The following FARS2 variants were observed in gnomAD, a reference collection of about 807,000 sequenced individuals.
The protein encoded by FARS2 is phenylalanine--tRNA ligase, mitochondrial.
In FARS2, 40 loss-of-function variants were observed where a neutral mutation model predicts 46.4. The ratio of observed to expected loss-of-function variants is 0.86; its 90% CI spans 0.67 to 1.12. The LOEUF (loss-of-function observed/expected upper bound fraction) is 1.12, where lower values mean the gene tolerates loss of function less well. FARS2 is among the 50% of genes most tolerant of loss of function. The pLI, the probability that FARS2 is intolerant of heterozygous loss-of-function variation, is 0.00. For missense variants in FARS2, 513 were observed against 567.9 expected (o/e 0.90, Z 0.98); for synonymous variants, 234 against 214.9 (o/e 1.09, Z -0.78).
chr6:5,326,511 G>C (rs937790444), intron 1 of FARS2, among the ~76,000 whole-genome samples: 2 of 152,196 alleles, frequency 1.3e-5, no homozygotes, highest in Non-Finnish European at 2.9e-5. Context: ...TCCACCTACA[G>C]GTATTTAGCC....
intron 6 of FARS2, among the ~76,000 whole-genome samples, chr6:5,623,360 C>T (rs1475343097): frequency 6.6e-6 from 1 of 152,150 alleles, no homozygotes; most frequent in Admixed American, 6.5e-5. Flanking sequence ...TTGTATAAAA[C>T]TGTCATTTGG....
At chr6:5,539,384 G>GTGTGTATATATATA in intron 4 of FARS2, among the ~76,000 whole-genome samples, 7 of 79,570 alleles carry the variant, frequency 8.8e-5, no homozygotes, top group East Asian at 3.0e-4. Context: ...TTTTTTTTGT[G>GTGTGTATATATATA]TATATATATA....
chr6:5,746,720 C>T (rs1313310350), intron 6 of FARS2, among the ~76,000 whole-genome samples: 1 of 152,084 alleles, frequency 6.6e-6, no homozygotes, highest in African/African-American at 2.4e-5. Flanking sequence ...TTTGTCGCCC[C>T]AGTCAGTGCA....
chr6:5,714,340 G>A (rs1308947448), intron 6 of FARS2, among the ~76,000 whole-genome samples: 3 of 152,150 alleles, frequency 2.0e-5, no homozygotes, highest in Non-Finnish European at 2.9e-5. Context: ...TCTTCTAATG[G>A]CATCGCCAAT....
chr6:5,689,444 A>G lies in FARS2; in HGVS notation c.1217+76124A>G, dbSNP rs1757516775. On this transcript the variant is annotated intron_variant, in intron 6 of 6. Coordinates refer to ENST00000274680, the MANE Select transcript of FARS2 (RefSeq NM_006567.5). ...AAAGAACATCTTTATTTCTGCCTTC[A>G]TTTCGTTATGTCCCCAGTAGTCATT... 3.9e-5 allele frequency among the ~76,000 whole-genome samples: 6 copies of G among 151,916 alleles called. No homozygotes were observed. In the South Asian group the frequency reaches 1.0e-3, roughly 26 times the overall value.
rs115496442 is a variant in FARS2, at chr6:5,453,919, G to T, written c.904+22747G>T. ...TGCTGTGCACCTGCTTAGACATCAG[G>T]TGGGGTCTGTGAATTCAAAAGATGA... On this transcript the variant is annotated intron_variant, in intron 4 of 6. Coordinates refer to ENST00000274680, the MANE Select transcript of FARS2 (RefSeq NM_006567.5). Among the ~76,000 whole-genome samples, 1,308 of 152,322 alleles carry T rather than the reference G, an allele frequency of 8.6e-3. 7 individuals carry two copies. Among genetic ancestry groups the T allele is most frequent in the Non-Finnish European group, 0.013 (914 of 68,020 alleles).
chr6:5,590,504 A>G (rs1773856054), intron 5 of FARS2, among the ~76,000 whole-genome samples: 1 of 152,228 alleles, frequency 6.6e-6, no homozygotes, highest in South Asian at 2.1e-4. Context: ...GATGAGGGAC[A>G]GGCTGGGAAT....
At chr6:5,749,413 C>G (rs1761822027) in intron 6 of FARS2, among the ~76,000 whole-genome samples, 1 of 152,222 alleles carries the variant, frequency 6.6e-6, no homozygotes, top group Non-Finnish European at 1.5e-5. Context: ...GGACCAGAAA[C>G]AGAGACCCTG....
chr6:5,288,553 G>A (rs1767285692), intron 1 of FARS2, among the ~76,000 whole-genome samples: 1 of 152,156 alleles, frequency 6.6e-6, no homozygotes, highest in Non-Finnish European at 1.5e-5. Flanking sequence ...GATGAGAACT[G>A]TTCTAGAACA....
At chr6:5,283,768 G>A (rs1364250746) in intron 1 of FARS2, among the ~76,000 whole-genome samples, 3 of 141,992 alleles carry the variant, frequency 2.1e-5, no homozygotes, top group Non-Finnish European at 4.4e-5. Context: ...CAGATACCCT[G>A]TATCAAATGT....
chr6:5,305,901 C>G (rs1768667283), intron 1 of FARS2, among the ~76,000 whole-genome samples: 1 of 152,182 alleles, frequency 6.6e-6, no homozygotes, highest in Admixed American at 6.5e-5. Flanking sequence ...TACTGAGTGC[C>G]AAGAGACAGT....
At chr6:5,284,241 G>A (rs1463996159) in intron 1 of FARS2, among the ~76,000 whole-genome samples, 1 of 152,154 alleles carries the variant, frequency 6.6e-6, no homozygotes, top group Non-Finnish European at 1.5e-5. Context: ...TTCAGAGGTT[G>A]GACTTATATG....
At chr6:5,543,751 A>G (rs944793621) in intron 4 of FARS2, among the ~76,000 whole-genome samples, 5 of 152,132 alleles carry the variant, frequency 3.3e-5, no homozygotes, top group East Asian at 1.9e-4. Context: ...TCCTGCCTGT[A>G]TCTCCAGAAT....
intron 1 of FARS2, among the ~76,000 whole-genome samples, chr6:5,264,395 A>C (rs1007316552): frequency 1.3e-5 from 2 of 152,238 alleles, no homozygotes; most frequent in Non-Finnish European, 2.9e-5. Context: ...TCATTTGTAC[A>C]GATGAACAAA....
At chr6:5,509,924 G>A (rs189844057) in intron 4 of FARS2, among the ~76,000 whole-genome samples, 51 of 152,270 alleles carry the variant, frequency 3.3e-4, no homozygotes, top group African/African-American at 1.1e-3. Flanking sequence ...AATACATTAT[G>A]TCGCCCAATT....
intron 4 of FARS2, among the ~76,000 whole-genome samples, chr6:5,494,029 C>T (rs1006622244): frequency 1.1e-4 from 17 of 152,094 alleles, no homozygotes; most frequent in Non-Finnish European, 1.8e-4. Flanking sequence ...ATTGGAGTTC[C>T]TGTCAGAAGT....
At chr6:5,378,467 A>G (rs1322820115) in intron 2 of FARS2, among the ~76,000 whole-genome samples, 2 of 152,288 alleles carry the variant, frequency 1.3e-5, no homozygotes, top group East Asian at 3.9e-4. Flanking sequence ...CACTTTCCAG[A>G]TGGTTCACTG....
At chr6:5,662,492 C>T (rs1777897373) in intron 6 of FARS2, among the ~76,000 whole-genome samples, 2 of 152,196 alleles carry the variant, frequency 1.3e-5, no homozygotes, top group East Asian at 3.8e-4. Context: ...TGGAAGGAGC[C>T]TCCCCTGATC....
At chr6:5,258,247 A>G (rs191737677), upstream of FARS2, among the ~76,000 whole-genome samples, 52 of 152,320 alleles carry the variant, frequency 3.4e-4, no homozygotes, top group Middle Eastern at 3.4e-3. Context: ...AGAGAGTTCC[A>G]AAGTATTTAT....
Sources: allele counts gnomAD v4.1 joint callset (sites outside exome capture counted in the v4.1 genomes callset), GRCh38; gene constraint gnomAD v4.1.1; transcripts MANE v1.5; gene names NCBI Gene and HGNC (gene_info 2026-07-23, HGNC 2026-07-21).